Variants in TNRC6A observed in about 807,000 individuals in gnomAD.
The protein encoded by TNRC6A is trinucleotide repeat containing adaptor 6A.
Under a neutral mutation model 221.2 loss-of-function variants are expected in TNRC6A, and 44 were observed. The ratio of observed to expected loss-of-function variants is 0.20; its 90% CI spans 0.16 to 0.26. TNRC6A has a LOEUF of 0.26. Ranked by LOEUF, TNRC6A falls within the 10% of genes least tolerant of loss-of-function variation. The probability of loss-of-function intolerance (pLI) is 1.00; values close to 1 mark genes in which losing one functional copy is unlikely to be tolerated. For synonymous variants in TNRC6A, 847 were observed against 838.5 expected (o/e 1.01, Z -0.18); for missense variants, 2,199 against 2,404.4 (o/e 0.91, Z 1.79).
At chr16:24,688,294 T>C (rs1310315565) in intron 2 of TNRC6A, among the ~76,000 whole-genome samples, 1 of 152,094 alleles carries the variant, frequency 6.6e-6, no homozygotes, top group Non-Finnish European at 1.5e-5. Flanking sequence ...CTTGTATTCA[T>C]ACACTCACAT....
At chr16:24,793,408 T>C in intron 6 of TNRC6A, 65 bp from the exon 7 acceptor site, 2 of 1,252,494 alleles carry the variant, frequency 1.6e-6, no homozygotes, top group Non-Finnish European at 2.1e-6. Flanking sequence ...TTCTTTATTG[T>C]CCCTTATTCC....
At chr16:24,700,028 A>AC (rs1487544309) in intron 2 of TNRC6A, among the ~76,000 whole-genome samples, 1 of 152,002 alleles carries the variant, frequency 6.6e-6, no homozygotes, top group Non-Finnish European at 1.5e-5. Flanking sequence ...AGAATCAGGG[A>AC]CCCTTTAGGT....
chr16:24,723,381 G>T (rs189913075), intron 2 of TNRC6A, among the ~76,000 whole-genome samples: 227 of 152,220 alleles, frequency 1.5e-3, no homozygotes, highest in African/African-American at 5.2e-3. Context: ...ATCACCTGAG[G>T]TCAGGGGTTC....
intron 2 of TNRC6A, among the ~76,000 whole-genome samples, chr16:24,710,729 T>C (rs2056188582): frequency 6.6e-6 from 1 of 151,936 alleles, no homozygotes; most frequent in Non-Finnish European, 1.5e-5. Context: ...CATCAAACTT[T>C]TTTTTTTTTT....
intron 2 of TNRC6A, among the ~76,000 whole-genome samples, chr16:24,711,419 A>G (rs1425067128): frequency 6.6e-6 from 1 of 152,172 alleles, no homozygotes; most frequent in Admixed American, 6.6e-5. Flanking sequence ...ACAATAAAGA[A>G]AACAAACATA....
chr16:24,797,368 G>A (rs2058240238), intron 9 of TNRC6A, 122 bp from the exon 10 acceptor site: 1 of 648,232 alleles, frequency 1.5e-6, no homozygotes, highest in African/African-American at 1.9e-5. Context: ...AGAGTTGATT[G>A]GAGGAGAAAT....
At chr16:24,665,566 T>C (rs1000392034) in intron 2 of TNRC6A, among the ~76,000 whole-genome samples, 1 of 152,216 alleles carries the variant, frequency 6.6e-6, no homozygotes, top group Non-Finnish European at 1.5e-5. Flanking sequence ...CTTAAAATAG[T>C]TTCTCAACCT....
At chr16:24,633,535 C>T (rs9939647) in intron 1 of TNRC6A, among the ~76,000 whole-genome samples, 104,135 of 151,946 alleles carry the variant, frequency 0.69, 37,140 homozygotes, top group African/African-American at 0.88. Flanking sequence ...GCTGGGATTA[C>T]AGGCGTGTGC....
rs537772986 is a variant in TNRC6A at position 24,705,494 on chromosome 16, A to G, written n.403-45232A>G. Among the ~76,000 whole-genome samples the G allele has an allele frequency of 3.3e-5, 5 of 152,182 alleles. No homozygotes were observed. In the South Asian group the frequency reaches 8.3e-4, roughly 25 times the overall value. ...TTACAGGCACATGCCACCATGCCCAACTAATTTTTGTAATTTTAGTAGAGA... is the reference window on the plus strand; with the variant it reads ...TTACAGGCACATGCCACCATGCCCAGCTAATTTTTGTAATTTTAGTAGAGA... On this transcript the variant is annotated intron_variant and non_coding_transcript_variant, in intron 2 of 2. Transcript: ENST00000566108.
At chr16:24,637,928 G>A (rs534873198) in intron 1 of TNRC6A, among the ~76,000 whole-genome samples, 1 of 152,170 alleles carries the variant, frequency 6.6e-6, no homozygotes, top group African/African-American at 2.4e-5. Flanking sequence ...GGGACTACCA[G>A]CTCGCGCCAC....
At chr16:24,612,285 A>T (rs927461084) in intron 1 of TNRC6A, among the ~76,000 whole-genome samples, 2 of 152,130 alleles carry the variant, frequency 1.3e-5, no homozygotes, top group Non-Finnish European at 2.9e-5. Flanking sequence ...TGACTCGATG[A>T]CAGGGTGCTA....
intron 5 of TNRC6A, among the ~76,000 whole-genome samples, chr16:24,783,690 T>C (rs188972691): frequency 1.3e-5 from 2 of 152,194 alleles, no homozygotes; most frequent in Admixed American, 6.5e-5. Flanking sequence ...ATAAACATTT[T>C]GCATTACACT....
intron 2 of TNRC6A, among the ~76,000 whole-genome samples, chr16:24,670,754 G>A (rs1265645842): frequency 6.6e-6 from 1 of 152,060 alleles, no homozygotes; most frequent in Admixed American, 6.6e-5. Flanking sequence ...TGTGCATCAC[G>A]CATCAGCTGC....
chr16:24,738,085 G>C (rs867416796), intron 2 of TNRC6A, among the ~76,000 whole-genome samples: 1 of 152,156 alleles, frequency 6.6e-6, no homozygotes, highest in Non-Finnish European at 1.5e-5. Context: ...CTCGAGCCAC[G>C]TTTCTGAGGC....
At chr16:24,818,401 C>G (rs1474023999) in intron 20 of TNRC6A, among the ~76,000 whole-genome samples, 192 bp from the exon 21 acceptor site, 1 of 152,168 alleles carries the variant, frequency 6.6e-6, no homozygotes, top group Non-Finnish European at 1.5e-5. Context: ...AAGGCAGAGA[C>G]AATTGGCGAG....
At chr16:24,667,762 G>A (rs1023026792) in intron 2 of TNRC6A, among the ~76,000 whole-genome samples, 1 of 152,188 alleles carries the variant, frequency 6.6e-6, no homozygotes, top group Non-Finnish European at 1.5e-5. Context: ...CAGTATGTTG[G>A]GCATGGTAGC....
At chr16:24,755,959 G>C (rs956645276) in intron 3 of TNRC6A, among the ~76,000 whole-genome samples, 1 of 152,010 alleles carries the variant, frequency 6.6e-6, no homozygotes, top group Non-Finnish European at 1.5e-5. Context: ...TTTATTATTT[G>C]ACCCTCATAA....
intron 3 of TNRC6A, among the ~76,000 whole-genome samples, chr16:24,755,479 T>A (rs891188779): frequency 3.3e-5 from 5 of 152,354 alleles, no homozygotes; most frequent in Non-Finnish European, 5.9e-5. Context: ...TCCTAAGTGC[T>A]TTTATATGAG....
intron 3 of TNRC6A, among the ~76,000 whole-genome samples, chr16:24,752,038 G>A (rs1022069053): frequency 2.0e-5 from 3 of 152,158 alleles, no homozygotes; most frequent in African/African-American, 7.2e-5. Context: ...CTGAAGAGTT[G>A]AACTAGGAAA....
Sources: allele counts gnomAD v4.1 joint callset (sites outside exome capture counted in the v4.1 genomes callset), GRCh38; gene constraint gnomAD v4.1.1; transcripts MANE v1.5; gene names NCBI Gene and HGNC (gene_info 2026-07-23, HGNC 2026-07-21).